The following DLG2 variants were observed in gnomAD, a reference collection of about 807,000 sequenced individuals.
DLG2 encodes the protein discs large MAGUK scaffold protein 2, also known as disks large homolog 2.
A neutral mutation model predicts 132.5 loss-of-function variants in DLG2; 45 were observed. The observed-to-expected ratio is 0.34, with a 90% CI of 0.27 to 0.44. DLG2 has a LOEUF of 0.44. DLG2 is among the 20% of genes least tolerant of loss of function. The pLI, the probability that DLG2 is intolerant of heterozygous loss-of-function variation, is 1.00. For missense variants in DLG2, 1,045 were observed against 1,196.9 expected (o/e 0.87, Z 1.87); for synonymous variants, 424 against 419.6 (o/e 1.01, Z -0.13).
chr11:84,171,223 C>T (rs2154269436), intron 8 of DLG2, among the ~76,000 whole-genome samples: 1 of 152,152 alleles, frequency 6.6e-6, no homozygotes, highest in East Asian at 1.9e-4. Context: ...TTCTTTACTC[C>T]CATCTTTTTA....
At chr11:84,396,777 A>G (rs1375147053) in intron 7 of DLG2, among the ~76,000 whole-genome samples, 1 of 152,208 alleles carries the variant, frequency 6.6e-6, no homozygotes, top group Non-Finnish European at 1.5e-5. Context: ...TGGACTGGGC[A>G]GCTAACAACC....
At chr11:84,819,992 T>A (rs898793470) in intron 6 of DLG2, among the ~76,000 whole-genome samples, 1 of 150,796 alleles carries the variant, frequency 6.6e-6, no homozygotes, top group Admixed American at 6.6e-5. Flanking sequence ...CAGGAAAAAT[T>A]CTACTTTTCA....
intron 7 of DLG2, among the ~76,000 whole-genome samples, chr11:84,434,268 G>A (rs2098993882): frequency 6.6e-6 from 1 of 152,140 alleles, no homozygotes; most frequent in East Asian, 1.9e-4. Flanking sequence ...GAAATAAAGA[G>A]GTTGAGTTAC....
chr11:84,951,589 CATATAT>C (rs567522812), intron 6 of DLG2, among the ~76,000 whole-genome samples: 1 of 149,922 alleles, frequency 6.7e-6, no homozygotes, highest in East Asian at 2.0e-4. Flanking sequence ...TTAATACATA[CATATAT>C]ATATACACAT....
At position 85,116,718 on chromosome 11, in the gene DLG2, C is replaced by T. The variant is rs76282373; in HGVS notation, c.283-4983G>A. ...AAATGTTACATTGGAAGTCCTAAGA[C>T]ACCAAGATATAAAAATGAGATTCCA... On this transcript the variant is annotated intron_variant, in intron 5 of 27. Coordinates refer to ENST00000376104, the MANE Select transcript of DLG2 (RefSeq NM_001142699.3). 2.6e-5 allele frequency among the ~76,000 whole-genome samples: 4 copies of T among 151,852 alleles called. No individual in the cohort carries two copies. In the East Asian group the frequency reaches 5.8e-4, roughly 22 times the overall value.
intron 22 of DLG2, among the ~76,000 whole-genome samples, chr11:83,478,895 C>T (rs1463907550): frequency 6.6e-6 from 1 of 151,880 alleles, no homozygotes; most frequent in Non-Finnish European, 1.5e-5. Context: ...TTGGTCAATT[C>T]TTCTTGGCTT....
chr11:84,098,035 C>CTTTTTTTTTTTTTTTT (rs35298703), intron 10 of DLG2, among the ~76,000 whole-genome samples: 2 of 121,812 alleles, frequency 1.6e-5, no homozygotes, highest in African/African-American at 6.4e-5. Context: ...CACCATGTGC[C>CTTTTTTTTTTTTTTTT]TTTTTTTTTT....
intron 8 of DLG2, among the ~76,000 whole-genome samples, chr11:84,186,818 T>A (rs2096285924): frequency 6.6e-6 from 1 of 152,044 alleles, no homozygotes. Context: ...TTAAACATTG[T>A]ATTAAGGCTG....
At chr11:83,664,068 T>C (rs2074984608) in intron 18 of DLG2, among the ~76,000 whole-genome samples, 5 of 152,214 alleles carry the variant, frequency 3.3e-5, no homozygotes. Context: ...ATAGCTCTCT[T>C]ACAGAGCTTA....
intron 4 of DLG2, among the ~76,000 whole-genome samples, chr11:85,204,272 C>A (rs1231508847): frequency 6.6e-6 from 1 of 152,072 alleles, no homozygotes; most frequent in South Asian, 2.1e-4. Flanking sequence ...AAGACATGAT[C>A]TTCTTGTTAG....
intron 19 of DLG2, among the ~76,000 whole-genome samples, chr11:83,599,950 A>G (rs2058255162): frequency 6.6e-6 from 1 of 152,204 alleles, no homozygotes; most frequent in Non-Finnish European, 1.5e-5. Context: ...TATTTTGGCT[A>G]CTGATTAGTT....
chr11:85,305,862 T>C (rs1402404534), intron 3 of DLG2, among the ~76,000 whole-genome samples: 6 of 152,212 alleles, frequency 3.9e-5, no homozygotes, highest in Non-Finnish European at 8.8e-5. Flanking sequence ...ATGTTTGTAA[T>C]GTCACAGAAA....
chr11:83,667,795 C>T (rs901979155), intron 18 of DLG2, among the ~76,000 whole-genome samples: 12 of 151,546 alleles, frequency 7.9e-5, no homozygotes, highest in Non-Finnish European at 1.2e-4. Context: ...CTAGCTAACA[C>T]GGTGAAACCC....
intron 6 of DLG2, among the ~76,000 whole-genome samples, chr11:84,812,415 C>A (rs1375443276): frequency 6.6e-6 from 1 of 152,142 alleles, no homozygotes; most frequent in Non-Finnish European, 1.5e-5. Flanking sequence ...GTATCTGATA[C>A]TTTTGTGTGC....
intron 5 of DLG2, among the ~76,000 whole-genome samples, chr11:85,129,610 T>C (rs890681781): frequency 4.6e-5 from 7 of 152,094 alleles, no homozygotes; most frequent in African/African-American, 1.4e-4. Flanking sequence ...ACACTGTTGG[T>C]GGAAGTGTAA....
chr11:84,596,739 A>G (rs2099559982), intron 6 of DLG2, among the ~76,000 whole-genome samples: 1 of 152,152 alleles, frequency 6.6e-6, no homozygotes, highest in South Asian at 2.1e-4. Flanking sequence ...ATGACCTCTA[A>G]ATTACTTTTG....
intron 8 of DLG2, among the ~76,000 whole-genome samples, chr11:84,173,261 T>A (rs573975493): frequency 6.6e-6 from 1 of 152,356 alleles, no homozygotes; most frequent in South Asian, 2.1e-4. Flanking sequence ...CAGGTGGTTT[T>A]AATGCATTCA....
At chr11:85,303,177 C>T (rs2079712372) in intron 3 of DLG2, among the ~76,000 whole-genome samples, 1 of 152,104 alleles carries the variant, frequency 6.6e-6, no homozygotes, top group East Asian at 1.9e-4. Context: ...ACAGCAAACC[C>T]CCATTACTTA....
intron 7 of DLG2, among the ~76,000 whole-genome samples, chr11:84,502,348 T>C (rs1253670535): frequency 5.7e-5 from 3 of 52,538 alleles, no homozygotes; most frequent in East Asian, 3.7e-4. Flanking sequence ...CTTTCTTTCT[T>C]TCTTTCTTTC....
Sources: gnomAD v4.1 joint callset for allele counts (sites outside exome capture counted in the v4.1 genomes callset) on GRCh38, gnomAD v4.1.1 for gene constraint, MANE v1.5 for transcripts, NCBI Gene and HGNC (gene_info 2026-07-23, HGNC 2026-07-21) for gene names.